The following KIAA1755 variants were observed in gnomAD, a reference collection of about 807,000 sequenced individuals.
KIAA1755 encodes KIAA1755.
Under a neutral mutation model 91.7 loss-of-function variants are expected in KIAA1755, and 68 were observed. The ratio of observed to expected loss-of-function variants is 0.74; its 90% CI spans 0.61 to 0.91. KIAA1755 has a LOEUF of 0.91. Ranked by LOEUF, KIAA1755 falls within the 40% of genes least tolerant of loss-of-function variation. The probability of loss-of-function intolerance (pLI) is 0.00; values close to 1 mark genes in which losing one functional copy is unlikely to be tolerated. For synonymous variants in KIAA1755, 610 were observed against 604.6 expected, an observed-to-expected ratio of 1.01 and a Z score of -0.13; for missense variants, 1,535 against 1,494.4, an observed-to-expected ratio of 1.03 and a Z score of -0.45.
chr20:38,218,317 G>T lies in KIAA1755; in HGVS notation c.2606C>A (p.Thr869Asn), dbSNP rs1384652980. The T allele has an allele frequency of 1.2e-6, 2 of 1,614,098 alleles. No individual in the cohort carries two copies. The highest frequency in any genetic ancestry group is 2.2e-5 in the East Asian group (1 of 44,900). ...QEGRRCLQSL[T>N]PKDGSLETVE... Reference sequence around the variant, plus strand: ...TGTCTCCAAACTTCCATCCTTGGGGGTCAGTGATTGCAGGCACCGCCTTCC... The same window carrying T: ...TGTCTCCAAACTTCCATCCTTGGGGTTCAGTGATTGCAGGCACCGCCTTCC... Residue 869 changes from threonine (T) to asparagine (N), a missense_variant, in exon 12 of 14, where the codon ACC (threonine) becomes AAC (asparagine). Transcript: ENST00000279024.
At position 38,239,647 on chromosome 20, in the gene KIAA1755, T is replaced by G; in HGVS notation, c.1628A>C (p.Glu543Ala). ...TCTTTCTGGGGAGCCTGCAGAAGCT[T>G]CTGGCAAGGCAGCCTTTTCCTCAGT... ...PLTEEKAALP[E>A]ASAGSPERGP... is the part of the protein sequence containing the mutation. Residue 543 changes from glutamate to alanine, a missense_variant, in exon 4 of 14, where the codon GAA becomes GCA. Coordinates refer to ENST00000279024, the MANE Select transcript of KIAA1755 (RefSeq NM_001029864.2). 1 of 1,606,926 alleles carries G rather than the reference T, an allele frequency of 6.2e-7. No individual in the cohort carries two copies. Among genetic ancestry groups the G allele is most frequent in the Non-Finnish European group, 8.5e-7 (1 of 1,177,370 alleles).
At chr20:38,245,814 C>T in intron 2 of KIAA1755, 115 bp downstream of exon 2, 1 of 935,882 alleles carries the variant, frequency 1.1e-6, no homozygotes, top group South Asian at 1.5e-5. Flanking sequence ...CCCCCCACAC[C>T]CTCAGCTCCC....
At chr20:38,237,331 AG>A (rs1429704321) in intron 4 of KIAA1755, among the ~76,000 whole-genome samples, 2 of 151,930 alleles carry the variant, frequency 1.3e-5, no homozygotes, top group Non-Finnish European at 1.5e-5. Flanking sequence ...GGACCCCCAG[AG>A]GTCAGTGGTC....
At chr20:38,223,675 G>A (rs1244389524) in intron 8 of KIAA1755, 39 bp from the exon 9 acceptor site, 7 of 1,525,902 alleles carry the variant, frequency 4.6e-6, no homozygotes, top group Non-Finnish European at 5.4e-6. Context: ...GTCAGCCCAG[G>A]CCAACCAGGA....
At chr20:38,239,039 A>G (rs903011896) in intron 4 of KIAA1755, among the ~76,000 whole-genome samples, 1 of 152,216 alleles carries the variant, frequency 6.6e-6, no homozygotes, top group Non-Finnish European at 1.5e-5. Flanking sequence ...ATCAGCCCAC[A>G]GTTAATGACT....
chr20:38,260,689 TGAGA>T lies in KIAA1755; in HGVS notation c.-193_-190del. ...GGCCGGGGAGGACAGGGAGAGAGACTGAGAGAGAGACAGAGAGGGACTGAGGCTG... is the reference window on the plus strand; with the variant it reads ...GGCCGGGGAGGACAGGGAGAGAGACTGAGAGACAGAGAGGGACTGAGGCTG... On this transcript the variant is annotated 5_prime_UTR_variant, in exon 1 of 14. An upstream open reading frame in the 5' UTR loses its in-frame stop. Transcript: ENST00000279024. 3.7e-6 allele frequency: 2 copies of T among 536,832 alleles called. No homozygotes were observed. The highest frequency in any genetic ancestry group is 5.7e-6 in the Non-Finnish European group (2 of 348,662). 33.3% of individuals were successfully genotyped at this position (536,832 alleles called of 1,614,324 possible). A position where few individuals can be genotyped will look rare whatever the true frequency, so the allele number is the denominator to read the frequency against.
chr20:38,231,402 C>T (rs2075861841), intron 4 of KIAA1755, 77 bp from the exon 5 acceptor site: 1 of 1,448,642 alleles, frequency 6.9e-7, no homozygotes, highest in Non-Finnish European at 9.1e-7. Context: ...GGCCTGCAGA[C>T]CTTTGGCCGT....
At chr20:38,252,418 C>T (rs1035554879) in intron 1 of KIAA1755, among the ~76,000 whole-genome samples, 5 of 152,108 alleles carry the variant, frequency 3.3e-5, no homozygotes, top group Non-Finnish European at 5.9e-5. Flanking sequence ...CTTGCTTAGC[C>T]CACACAACGA....
At position 38,225,765 on chromosome 20, in the gene KIAA1755, G is replaced by C. The variant is rs762606936; in HGVS notation, c.2069C>G (p.Ser690Ter). Residue 690 changes from serine (S) to a stop codon, truncating the protein, a stop_gained, in exon 8 of 14, where the codon TCA becomes TGA. Transcript: ENST00000279024. LOFTEE classifies it high-confidence loss of function. Reference sequence around the variant, plus strand: ...CACATGGTGGCTGAGGGCCTTCAATGAGGTCAGCACCTCCACCTGCAGACC... The same window carrying C: ...CACATGGTGGCTGAGGGCCTTCAATCAGGTCAGCACCTCCACCTGCAGACC... ...LPDVQVEVLT[S>*]LKALSHHVDP... The C allele has an allele frequency of 1.9e-6, 3 of 1,585,274 alleles. No individual in the cohort carries two copies. The South Asian group carries it at 3.5e-5, about 18-fold the overall frequency.
At chr20:38,228,665 G>T (rs916535947) in intron 5 of KIAA1755, among the ~76,000 whole-genome samples, 1 of 152,164 alleles carries the variant, frequency 6.6e-6, no homozygotes, top group Non-Finnish European at 1.5e-5. Context: ...AATTCCTCTG[G>T]CCAGTGATTG....
chr20:38,222,924 T>A, intron 9 of KIAA1755: 1 of 404,212 alleles, frequency 2.5e-6, no homozygotes, highest in Non-Finnish European at 4.6e-6. Flanking sequence ...TGATAACCCC[T>A]GGTTTAAAAC....
At position 38,217,303 on chromosome 20, in the gene KIAA1755, G is replaced by A. The variant is rs759302183; in HGVS notation, c.2851C>T (p.Gln951Ter). The stretch of plus-strand genomic sequence containing the variant: ...AGCAGCGTCTCGAGGTCCGTGCGTT[G>A]CCGCTCGGCCGCCATGTAAAAGTGG... ...LTHFYMAAER[Q>*]RTDLETLLHL... is the part of the protein sequence containing the mutation. Residue 951 changes from glutamine (Q) to a stop codon, truncating the protein, a stop_gained, in exon 13 of 14, where the codon CAA (glutamine) becomes TAA (stop). Transcript: ENST00000279024. LOFTEE classifies it low-confidence loss of function (END_TRUNC). 7.0e-5 allele frequency: 112 copies of A among 1,608,474 alleles called. No individual in the cohort carries two copies. The highest frequency in any genetic ancestry group is 9.0e-5 in the Non-Finnish European group (106 of 1,178,114).
At chr20:38,257,725 G>T (rs1331857377) in intron 1 of KIAA1755, among the ~76,000 whole-genome samples, 2 of 151,946 alleles carry the variant, frequency 1.3e-5, no homozygotes, top group African/African-American at 2.4e-5. Context: ...ATGACACCAA[G>T]GACAATACCT....
At chr20:38,239,781 G>A (rs2076022270) in intron 3 of KIAA1755, 56 bp from the exon 4 acceptor site, 1 of 1,458,250 alleles carries the variant, frequency 6.9e-7, no homozygotes, top group South Asian at 1.1e-5. Flanking sequence ...GGCTTTCTAA[G>A]GGGAAAACGT....
Position 38,217,461 on chromosome 20 carries a change from C to T in KIAA1755, c.2693G>A (p.Arg898Gln), listed in dbSNP as rs145212886. 8.4e-5 allele frequency: 135 copies of T among 1,607,612 alleles called. No homozygotes were observed. Among genetic ancestry groups the T allele is most frequent in the Admixed American group, 5.0e-4 (30 of 59,480 alleles). The change falls in exon 13 of 14, where the codon CGA becomes CAA. Residue 898 changes from arginine (R) to glutamine (Q), a missense_variant. By Grantham distance (43) the Arg-to-Gln change is conservative (BLOSUM62 1). Coordinates refer to ENST00000279024, the MANE Select transcript of KIAA1755 (RefSeq NM_001029864.2). ...GGCCTGCTTGGACAGCTCCAGGCCTCGGCGGTACTGGGCCTGAGAGGGGAG... is the reference window on the plus strand; with the variant it reads ...GGCCTGCTTGGACAGCTCCAGGCCTTGGCGGTACTGGGCCTGAGAGGGGAG... Reference protein sequence around the residue: ...FFLQAAAQYRRGLELSKQAAQ... With the variant: ...FFLQAAAQYRQGLELSKQAAQ...
intron 1 of KIAA1755, among the ~76,000 whole-genome samples, chr20:38,249,162 C>T (rs1310674239): frequency 6.6e-6 from 1 of 152,164 alleles, no homozygotes; most frequent in Non-Finnish European, 1.5e-5. Flanking sequence ...AGGCATGAAC[C>T]ACCACGCCTG....
intron 4 of KIAA1755, among the ~76,000 whole-genome samples, chr20:38,232,007 G>A (rs972224637): frequency 4.6e-5 from 7 of 152,132 alleles, no homozygotes; most frequent in East Asian, 1.9e-4. Flanking sequence ...CTGAGGCTCC[G>A]GGAGCCAGTA....
intron 2 of KIAA1755, among the ~76,000 whole-genome samples, chr20:38,242,899 A>G (rs940203608): frequency 6.6e-6 from 1 of 152,230 alleles, no homozygotes; most frequent in African/African-American, 2.4e-5. Context: ...GGTGAAGCAA[A>G]ACTTTAAAAA....
intron 2 of KIAA1755, among the ~76,000 whole-genome samples, chr20:38,244,166 A>G (rs999660939): frequency 2.6e-5 from 4 of 152,228 alleles, no homozygotes; most frequent in African/African-American, 9.6e-5. Flanking sequence ...CGGCCAGTGC[A>G]AATGAAGTTT....
Sources: allele counts gnomAD v4.1 joint callset (sites outside exome capture counted in the v4.1 genomes callset), GRCh38; gene constraint gnomAD v4.1.1; transcripts MANE v1.5; gene names NCBI Gene and HGNC (gene_info 2026-07-23, HGNC 2026-07-21).